The following SELENBP1 variants were observed in gnomAD, a reference collection of about 807,000 sequenced individuals.
SELENBP1 encodes selenium binding protein 1.
In SELENBP1, 71 loss-of-function variants were observed where a neutral mutation model predicts 61.0. The ratio of observed to expected loss-of-function variants is 1.16; its 90% confidence interval spans 0.96 to 1.42. SELENBP1 has a LOEUF of 1.42. SELENBP1 is among the 40% of genes most tolerant of loss of function. SELENBP1 has a pLI of 0.00. For missense variants in SELENBP1, 561 were observed against 605.0 expected (o/e 0.93, Z 0.76); for synonymous variants, 270 against 238.9 (o/e 1.13, Z -1.20).
Position 151,366,887 on chromosome 1 carries a change from C to A in SELENBP1, c.499G>T (p.Asp167Tyr), listed in dbSNP as rs758116449. Residue 167 changes from aspartate (D) to tyrosine (Y), a missense_variant, in exon 6 of 12, where the codon GAT becomes TAT. By Grantham distance (160) the Asp-to-Tyr change is radical (BLOSUM62 -3). Coordinates refer to ENST00000368868, the MANE Select transcript of SELENBP1 (RefSeq NM_003944.4). ...GNGKGGFVLL[D>Y]GETFEVKGTW... The stretch of plus-strand genomic sequence containing the variant: ...CCCTTCACCTCGAACGTCTCCCCAT[C>A]CAGCAGCACAAAACCCCCTGAACAG... 8.1e-6 allele frequency: 13 copies of A among 1,613,908 alleles called. No individual in the cohort carries two copies. The South Asian group carries it at 8.8e-5, about 11-fold the overall frequency.
chr1:151,368,326 G>C lies in SELENBP1; in HGVS notation c.361-7C>G. 1 of 1,614,016 alleles carries C rather than the reference G, an allele frequency of 6.2e-7. No homozygotes were observed. Among genetic ancestry groups the C allele is most frequent in the Non-Finnish European group, 8.5e-7 (1 of 1,179,872 alleles). On this transcript the variant is annotated splice_polypyrimidine_tract_variant and splice_region_variant and intron_variant, in intron 4 of 11. Coordinates refer to ENST00000368868, the MANE Select transcript of SELENBP1 (RefSeq NM_003944.4). The stretch of plus-strand genomic sequence containing the variant: ...TGTCCTTGGGCTCAATGACCTGGAA[G>C]GGGTGGGGAATGGTGTCAGAATCAT...
Position 151,365,594 on chromosome 1 carries a change from G to T in SELENBP1, c.1013C>A (p.Ser338Tyr). ...LHGDLRQYDI[S>Y]DPQRPRLTGQ... ...TGTGAGGCGGGGTCTCTGTGGGTCAGAGATGTCATACTGCCTCAGGTCCCC... is the reference window on the plus strand; with the variant it reads ...TGTGAGGCGGGGTCTCTGTGGGTCATAGATGTCATACTGCCTCAGGTCCCC... Residue 338 changes from serine to tyrosine, a missense_variant, in exon 9 of 12, where the codon TCT becomes TAT. Coordinates refer to ENST00000368868, the MANE Select transcript of SELENBP1 (RefSeq NM_003944.4). The T allele has an allele frequency of 6.2e-7, 1 of 1,614,162 alleles. No individual in the cohort carries two copies. Among genetic ancestry groups the T allele is most frequent in the South Asian group, 1.1e-5 (1 of 91,070 alleles).
chr1:151,369,320 T>C, intron 3 of SELENBP1, 122 bp downstream of exon 3: 1 of 1,425,518 alleles, frequency 7.0e-7, no homozygotes, highest in Non-Finnish European at 9.7e-7. Context: ...TTGTCCCAGG[T>C]TGAGCGTGCA....
Position 151,366,799 on chromosome 1 carries a change from T to G in SELENBP1, c.587A>C (p.His196Pro), listed in dbSNP as rs766823652. ...CCACTCAGTGCTGATCATGACATTG[T>G]GTCGAGGCTGGTACCAGAAGTCATA... ...LGYDFWYQPR[H>P]NVMISTEWAA... is the part of the protein sequence containing the mutation. Residue 196 changes from histidine to proline, a missense_variant, in exon 6 of 12, where the codon CAC becomes CCC. Coordinates refer to ENST00000368868, the MANE Select transcript of SELENBP1 (RefSeq NM_003944.4). The G allele has an allele frequency of 1.2e-6, 2 of 1,614,146 alleles. No homozygotes were observed. Among genetic ancestry groups the G allele is most frequent in the East Asian group, 4.5e-5 (2 of 44,880 alleles).
At position 151,368,186 on chromosome 1, in the gene SELENBP1, T is replaced by G; in HGVS notation, c.481+13A>C. On this transcript the variant is annotated intron_variant, in intron 5 of 11. Transcript: ENST00000368868. ...TGTGGAAGTTTTCATGAGCACACAG[T>G]GCTGGCAGGTACCTTTGCCATTGCC... 2 of 1,613,622 alleles carry G rather than the reference T, an allele frequency of 1.2e-6. No homozygotes were observed. Among genetic ancestry groups the G allele is most frequent in the South Asian group, 2.2e-5 (2 of 91,060 alleles).
intron 11 of SELENBP1, 86 bp downstream of exon 11, chr1:151,364,840 G>T: frequency 2.0e-6 from 3 of 1,507,560 alleles, no homozygotes; most frequent in Admixed American, 1.8e-5. Context: ...GGGGTACAGG[G>T]GTCTCCTTGA....
chr1:151,364,763 A>G, intron 11 of SELENBP1, 58 bp from the exon 12 acceptor site: 1 of 1,530,828 alleles, frequency 6.5e-7, no homozygotes, highest in Non-Finnish European at 8.8e-7. Flanking sequence ...CCCTTCCCCT[A>G]AGATTTTAGG....
At chr1:151,369,854 C>T (rs746448539) in intron 1 of SELENBP1, 85 bp from the exon 2 acceptor site, 25 of 1,551,414 alleles carry the variant, frequency 1.6e-5, no homozygotes, top group Middle Eastern at 1.7e-4. Flanking sequence ...CACATCCCAG[C>T]GGGCCACGGC....
At position 151,365,266 on chromosome 1, in the gene SELENBP1, T is replaced by G. The variant is rs1434724453; in HGVS notation, c.1060A>C (p.Ser354Arg). Reference protein sequence around the residue: ...RLTGQLFLGGSIVKGGPVQVL... With the variant: ...RLTGQLFLGGRIVKGGPVQVL... ...TGCACAGGGCCTCCCTTAACAATGC[T>G]GCCTCCGAGGAAGAGCTAGATGGGG... The change falls in exon 10 of 12, where the codon AGC (serine) becomes CGC (arginine). Residue 354 changes from serine to arginine, a missense_variant. Ser to Arg is a moderately radical substitution (Grantham distance 110). Coordinates refer to ENST00000368868, the MANE Select transcript of SELENBP1 (RefSeq NM_003944.4). 6 of 1,612,726 alleles carry G rather than the reference T, an allele frequency of 3.7e-6. No individual in the cohort carries two copies. The highest frequency in any genetic ancestry group is 5.1e-6 in the Non-Finnish European group (6 of 1,179,384).
At chr1:151,366,085 G>C in intron 7 of SELENBP1, 190 bp downstream of exon 7, 1 of 787,764 alleles carries the variant, frequency 1.3e-6, no homozygotes, top group Non-Finnish European at 2.1e-6. Flanking sequence ...AGTAGTTTTT[G>C]AATGAATGGA....
chr1:151,365,442 A>C, intron 9 of SELENBP1, 121 bp downstream of exon 9: 1 of 1,538,198 alleles, frequency 6.5e-7, no homozygotes, highest in South Asian at 1.2e-5. Flanking sequence ...CCCACAGCAC[A>C]CATGTCTGCT....
Position 151,369,779 on chromosome 1 carries a change from C to A in SELENBP1, c.5-10G>T, listed in dbSNP as rs1429411182. On this transcript the variant is annotated splice_polypyrimidine_tract_variant and intron_variant, in intron 1 of 11. Transcript: ENST00000368868. ...TTCCCACATTTCGTAGCTGTGGAAG[C>A]AATGGGGCGCATTGGCTGGGCCACG... is the stretch of plus-strand genomic sequence containing the variant. 1.9e-6 allele frequency: 3 copies of A among 1,551,882 alleles called. No individual in the cohort carries two copies. Among genetic ancestry groups the A allele is most frequent in the Non-Finnish European group, 2.6e-6 (3 of 1,147,142 alleles).
intron 5 of SELENBP1, 125 bp downstream of exon 5, chr1:151,368,074 G>C: frequency 7.8e-7 from 1 of 1,274,394 alleles, no homozygotes; most frequent in Non-Finnish European, 1.1e-6. Flanking sequence ...CTGGGATCCA[G>C]CTCACTGGTT....
intron 1 of SELENBP1, chr1:151,370,048 G>T: frequency 7.1e-7 from 1 of 1,405,960 alleles, no homozygotes; most frequent in Non-Finnish European, 9.3e-7. Context: ...CCGGGGTCGT[G>T]TGGTGTAGTG....
chr1:151,365,184 C>G lies in SELENBP1; in HGVS notation c.1137+5G>C. ...GGTCCAGCAAGTAGGGGGAGAGGCT[C>G]TTACCTTGACCACTAGGGGCTCTGG... is the stretch of plus-strand genomic sequence containing the variant. On this transcript the variant is annotated splice_donor_5th_base_variant and intron_variant, in intron 10 of 11. Transcript: ENST00000368868. The G allele has an allele frequency of 6.2e-7, 1 of 1,613,408 alleles. No homozygotes were observed.
At chr1:151,366,493 G>A in intron 6 of SELENBP1, 40 bp from the exon 7 acceptor site, 2 of 1,595,732 alleles carry the variant, frequency 1.3e-6, no homozygotes, top group South Asian at 2.2e-5. Context: ...CTCAGCATCA[G>A]AGGTTGGAAG....
intron 1 of SELENBP1, among the ~76,000 whole-genome samples, chr1:151,372,026 C>T (rs986638841): frequency 1.3e-5 from 2 of 152,200 alleles, no homozygotes; most frequent in Admixed American, 1.3e-4. Context: ...CGGGGAAGGA[C>T]CTCCCAACCA....
Position 151,366,835 on chromosome 1 carries a change from G to C in SELENBP1, c.551C>G (p.Ala184Gly), listed in dbSNP as rs1202161982. The change falls in exon 6 of 12, where the codon GCA (alanine) becomes GGA (glycine). Residue 184 changes from alanine to glycine, a missense_variant. Physicochemically the swap from Ala to Gly is moderately conservative, Grantham distance 60. Transcript: ENST00000368868. ...GTACCAGAAGTCATAGCCCAACGGT[G>C]CAGCACCCCCAGGTCTCTCCCATGT... ...KGTWERPGGA[A>G]PLGYDFWYQP... The C allele has an allele frequency of 6.2e-7, 1 of 1,614,024 alleles. No homozygotes were observed.
chr1:151,368,427 C>A, intron 4 of SELENBP1, 108 bp from the exon 5 acceptor site: 1 of 1,441,080 alleles, frequency 6.9e-7, no homozygotes. Context: ...TCTTTTCCTT[C>A]AAAACATGGA....
Sources: allele counts gnomAD v4.1 joint callset (sites outside exome capture counted in the v4.1 genomes callset), GRCh38; gene constraint gnomAD v4.1.1; transcripts MANE v1.5; gene names NCBI Gene and HGNC (gene_info 2026-07-23, HGNC 2026-07-21).